Variants in DHRS9 observed in about 807,000 individuals in gnomAD.
DHRS9 encodes dehydrogenase/reductase SDR family member 9.
A neutral mutation model predicts 26.6 loss-of-function variants in DHRS9; 18 were observed. That is an observed-to-expected ratio of 0.68 (90% CI 0.47 to 1.00). The LOEUF is 1.00. DHRS9 is among the 50% of genes least tolerant of loss of function. The probability of loss-of-function intolerance (pLI) is 0.00; values close to 1 mark genes in which losing one functional copy is unlikely to be tolerated. For synonymous variants in DHRS9, 134 were observed against 141.1 expected (o/e 0.95, Z 0.36); for missense variants, 425 against 378.7 (o/e 1.12, Z -1.01).
At chr2:169,068,014 C>T (rs369458218), upstream of DHRS9, among the ~76,000 whole-genome samples, 1 of 152,188 alleles carries the variant, frequency 6.6e-6, no homozygotes, top group African/African-American at 2.4e-5. Flanking sequence ...TGAAACACGG[C>T]TGCACTAGGC....
At chr2:169,068,069 CT>C (rs1199961040), upstream of DHRS9, among the ~76,000 whole-genome samples, 5 of 152,160 alleles carry the variant, frequency 3.3e-5, no homozygotes, top group Non-Finnish European at 5.9e-5. Context: ...ATAACTTTTT[CT>C]TTGCCCTTTT....
chr2:169,070,690 C>T (rs79075820), intron 1 of DHRS9: 111,167 of 984,136 alleles, frequency 0.11, 6,390 homozygotes, highest in Middle Eastern at 0.14. Flanking sequence ...ATCATTAACT[C>T]ATATATTTCA....
chr2:169,079,014 A>AT (rs1256625915), intron 1 of DHRS9, among the ~76,000 whole-genome samples: 5 of 151,106 alleles, frequency 3.3e-5, no homozygotes, highest in Non-Finnish European at 5.9e-5. Context: ...CACCCAGCTA[A>AT]TTTTTTGTAT....
chr2:169,080,586 C>T (rs1478726991), intron 1 of DHRS9, among the ~76,000 whole-genome samples: 1 of 152,246 alleles, frequency 6.6e-6, no homozygotes, highest in Non-Finnish European at 1.5e-5. Context: ...AGGGGAAACG[C>T]AGATGCAGGC....
chr2:169,085,837 C>A (rs1252635807), intron 3 of DHRS9, among the ~76,000 whole-genome samples: 1 of 152,122 alleles, frequency 6.6e-6, no homozygotes, highest in African/African-American at 2.4e-5. Context: ...TTGACTTCCT[C>A]CTTTCCAAAT....
intron 1 of DHRS9, among the ~76,000 whole-genome samples, chr2:169,080,638 T>A (rs1157189278): frequency 6.6e-6 from 1 of 152,250 alleles, no homozygotes; most frequent in Non-Finnish European, 1.5e-5. Context: ...CTGCCTGATT[T>A]TAGGCCCTAG....
upstream of DHRS9, among the ~76,000 whole-genome samples, chr2:169,068,415 C>T (rs2105274356): frequency 6.6e-6 from 1 of 152,284 alleles, no homozygotes; most frequent in South Asian, 2.1e-4. Context: ...CGCAACTTGG[C>T]CTCCCAGATT....
chr2:169,070,657 A>G (rs913708051), intron 1 of DHRS9: 29 of 984,016 alleles, frequency 2.9e-5, no homozygotes, highest in Non-Finnish European at 3.4e-5. Context: ...AACAAATTTC[A>G]ATGTTTAAGT....
chr2:169,068,809 T>A (rs1188511525), upstream of DHRS9, among the ~76,000 whole-genome samples: 1 of 152,072 alleles, frequency 6.6e-6, no homozygotes, highest in African/African-American at 2.4e-5. Context: ...ATCAGCAAAG[T>A]GGTATTTGTA....
At chr2:169,095,330 T>A (rs994624237) in intron 4 of DHRS9, among the ~76,000 whole-genome samples, 1 of 152,128 alleles carries the variant, frequency 6.6e-6, no homozygotes, top group African/African-American at 2.4e-5. Context: ...TCTAGAAGAA[T>A]CTGCTGCCAA....
At chr2:169,082,937 C>T (rs927283282) in intron 2 of DHRS9, among the ~76,000 whole-genome samples, 14 of 151,880 alleles carry the variant, frequency 9.2e-5, no homozygotes, top group Non-Finnish European at 1.8e-4. Flanking sequence ...CGTTAAATGA[C>T]GTGTTAATGG....
At chr2:169,083,631 C>G in intron 3 of DHRS9, 44 bp downstream of exon 3, 2 of 1,597,744 alleles carry the variant, frequency 1.3e-6, no homozygotes, top group Non-Finnish European at 1.7e-6. Context: ...TAGCTGCAAA[C>G]GTTTACTGAA....
upstream of DHRS9, among the ~76,000 whole-genome samples, chr2:169,068,682 C>G (rs998620255): frequency 6.6e-6 from 1 of 152,202 alleles, no homozygotes; most frequent in Non-Finnish European, 1.5e-5. Context: ...TATGTTCATT[C>G]ATGTGCTCAT....
At chr2:169,081,190 C>A in intron 1 of DHRS9, 1 of 997,736 alleles carries the variant, frequency 1.0e-6, no homozygotes, top group Non-Finnish European at 1.2e-6. Context: ...TCCTGATAGA[C>A]GAGTTCACTC....
intron 4 of DHRS9, 62 bp from the exon 5 acceptor site, chr2:169,095,482 C>T: frequency 7.2e-7 from 1 of 1,380,436 alleles, no homozygotes; most frequent in Non-Finnish European, 1.0e-6. Flanking sequence ...CCTTTGCACC[C>T]TAGACTTCCA....
chr2:169,075,475 C>T (rs957160663), intron 1 of DHRS9, among the ~76,000 whole-genome samples: 1 of 152,014 alleles, frequency 6.6e-6, no homozygotes, highest in Non-Finnish European at 1.5e-5. Context: ...AAAAGCAGGC[C>T]ATGTTCTACA....
intron 1 of DHRS9, chr2:169,074,514 AG>A (rs1318744162): frequency 1.1e-6 from 1 of 910,260 alleles, no homozygotes; most frequent in Non-Finnish European, 1.3e-6. Context: ...GGCCGTGCAG[AG>A]GTAACCACAG....
At chr2:169,092,228 G>A (rs773846671) in intron 4 of DHRS9, among the ~76,000 whole-genome samples, 4 of 152,182 alleles carry the variant, frequency 2.6e-5, no homozygotes, top group Non-Finnish European at 4.4e-5. Context: ...GCAGAGGCTT[G>A]AGAAAGTGAA....
intron 3 of DHRS9, among the ~76,000 whole-genome samples, chr2:169,090,867 C>T (rs989359990): frequency 2.6e-5 from 4 of 152,144 alleles, no homozygotes; most frequent in Admixed American, 6.6e-5. Flanking sequence ...TACTCTCTCG[C>T]GATGCTGTGC....
Sources: allele counts gnomAD v4.1 joint callset (sites outside exome capture counted in the v4.1 genomes callset), GRCh38; gene constraint gnomAD v4.1.1; transcripts MANE v1.5; gene names NCBI Gene and HGNC (gene_info 2026-07-23, HGNC 2026-07-21).